The following RBM38 variants were observed in gnomAD, a reference collection of about 807,000 sequenced individuals.
RBM38 encodes the protein RNA-binding protein 38.
Under a neutral mutation model 23.5 loss-of-function variants are expected in RBM38, and 11 were observed. The observed-to-expected ratio is 0.47, with a 90% CI of 0.29 to 0.77. The LOEUF (loss-of-function observed/expected upper bound fraction) is 0.77. Ranked by LOEUF, RBM38 falls within the 30% of genes least tolerant of loss-of-function variation. The pLI is 0.08. For missense variants in RBM38, 330 were observed against 351.9 expected (o/e 0.94, Z 0.50); for synonymous variants, 165 against 166.1 (o/e 0.99, Z 0.05).
At chr20:57,396,568 C>T (rs1036694834) in intron 3 of RBM38, among the ~76,000 whole-genome samples, 1 of 152,204 alleles carries the variant, frequency 6.6e-6, no homozygotes, top group African/African-American at 2.4e-5. Context: ...TCCCTGGGTG[C>T]GGGTCTCCCT....
chr20:57,401,362 C>T (rs1340676294), intron 3 of RBM38, among the ~76,000 whole-genome samples: 1 of 152,224 alleles, frequency 6.6e-6, no homozygotes, highest in Admixed American at 6.5e-5. Context: ...CTAGCTGTGA[C>T]TTGCTGGGTG....
At chr20:57,399,263 G>A (rs773883173) in intron 3 of RBM38, among the ~76,000 whole-genome samples, 19 of 152,180 alleles carry the variant, frequency 1.2e-4, no homozygotes, top group South Asian at 2.1e-4. Context: ...GGCTCCGAGC[G>A]GAGGAGGGAT....
rs1270269845 is a variant in RBM38 at position 57,391,717 on chromosome 20, A to C, written c.136A>C (p.Thr46Pro). 1 of 1,536,418 alleles carries C rather than the reference A, an allele frequency of 6.5e-7. No individual in the cohort carries two copies. The highest frequency in any genetic ancestry group is 8.8e-7 in the Non-Finnish European group (1 of 1,140,174). Reference sequence around the variant, plus strand: ...CGTGGGCGGCCTGCCGTACCACACTACCGACGCCTCGCTCAGGAAGTACTT... The same window carrying C: ...CGTGGGCGGCCTGCCGTACCACACTCCCGACGCCTCGCTCAGGAAGTACTT... ...IFVGGLPYHT[T>P]DASLRKYFEG... The change falls in exon 1 of 4, where the codon ACC becomes CCC. Residue 46 changes from threonine (T) to proline (P), a missense_variant. This residue lies in a region of RBM38 where 95 missense variants were observed against 111.9 expected (regional missense o/e 0.85). Coordinates refer to ENST00000356208, the MANE Select transcript of RBM38 (RefSeq NM_017495.6).
Position 57,394,513 on chromosome 20 carries a change from GC to G in RBM38, c.416+1182del, listed in dbSNP as rs1310372269. Reference sequence around the variant, plus strand: ...GCTGGCTGAGGGGTGCTGGAGGGTGGCCGGGGCCCTTCTAGCCTGTGCGAGT... The same window carrying G: ...GCTGGCTGAGGGGTGCTGGAGGGTGGCGGGGCCCTTCTAGCCTGTGCGAGT... On this transcript the variant is annotated intron_variant, in intron 3 of 3. Coordinates refer to ENST00000356208, the MANE Select transcript of RBM38 (RefSeq NM_017495.6). 7.2e-5 allele frequency among the ~76,000 whole-genome samples: 11 copies of G among 152,326 alleles called. No homozygotes were observed. In the East Asian group the frequency reaches 1.9e-3, roughly 27 times the overall value.
rs1027432988 is a variant in RBM38 at position 57,407,189 on chromosome 20, C to T, written c.417-354C>T. ...GGGCCCTGCTCTTGATCGCATGCTC[C>T]GCCGTCGTGGCTTCAAACTCTCAAT... On this transcript the variant is annotated intron_variant, in intron 3 of 3. Transcript: ENST00000356208. This position sits in a 1 kb window ranked among gnomAD's most constrained non-coding sequence, Gnocchi z 4.0. Among the ~76,000 whole-genome samples the T allele has an allele frequency of 3.3e-5, 5 of 152,236 alleles. No individual in the cohort carries two copies. The highest frequency in any genetic ancestry group is 4.8e-5 in the African/African-American group (2 of 41,524).
chr20:57,392,614 T>C (rs1600742284), intron 1 of RBM38, 40 bp from the exon 2 acceptor site: 2 of 1,584,180 alleles, frequency 1.3e-6, no homozygotes, highest in African/African-American at 1.4e-5. Flanking sequence ...CGCCCCTGGT[T>C]CCCCCCACGG....
At chr20:57,405,005 C>T (rs2067366796) in intron 3 of RBM38, among the ~76,000 whole-genome samples, 1 of 152,192 alleles carries the variant, frequency 6.6e-6, no homozygotes. Context: ...CTGCCGGCTG[C>T]CCTCATCCAC....
rs1290316750 is a variant in RBM38, at chr20:57,407,023, G to A, written c.417-520G>A. Among the ~76,000 whole-genome samples, 1 of 150,382 alleles carries A rather than the reference G, an allele frequency of 6.6e-6. No individual in the cohort carries two copies. The highest frequency in any genetic ancestry group is 1.5e-5 in the Non-Finnish European group (1 of 67,894). ...AAAAAAAAAAAAACAAACCCTGTGA[G>A]GAGCAGGTGTTGGCTGGGAGAGCAG... On this transcript the variant is annotated intron_variant, in intron 3 of 3. Coordinates refer to ENST00000356208, the MANE Select transcript of RBM38 (RefSeq NM_017495.6). This position sits in a 1 kb window ranked among gnomAD's most constrained non-coding sequence, Gnocchi z 4.0.
intron 3 of RBM38, among the ~76,000 whole-genome samples, chr20:57,405,296 A>G (rs1054947066): frequency 6.6e-6 from 1 of 152,164 alleles, no homozygotes; most frequent in Admixed American, 6.5e-5. Context: ...TCCTCTCTGC[A>G]TCCTGGCAGA....
At chr20:57,398,036 G>A (rs140886334) in intron 3 of RBM38, among the ~76,000 whole-genome samples, 4 of 152,182 alleles carry the variant, frequency 2.6e-5, no homozygotes, top group East Asian at 1.9e-4. Context: ...ATGATGCAGC[G>A]TGCTGAAGGC....
chr20:57,396,889 T>C (rs1216540751), intron 3 of RBM38, among the ~76,000 whole-genome samples: 2 of 152,236 alleles, frequency 1.3e-5, no homozygotes, highest in East Asian at 1.9e-4. Flanking sequence ...CAGTACGAAC[T>C]GCCTCTGTCT....
intron 1 of RBM38, chr20:57,392,287 C>A: frequency 1.8e-6 from 1 of 570,726 alleles, no homozygotes; most frequent in South Asian, 1.7e-5. Flanking sequence ...ACCTTCCAAG[C>A]ATAGCGTCGC....
intron 1 of RBM38, chr20:57,392,226 C>T (rs1434365426): frequency 5.7e-6 from 2 of 348,728 alleles, no homozygotes; most frequent in Admixed American, 8.3e-5. Context: ...CTCAGCCGCC[C>T]CAAATAAACA....
intron 3 of RBM38, among the ~76,000 whole-genome samples, chr20:57,405,896 C>T (rs1364372080): frequency 6.6e-6 from 1 of 152,220 alleles, no homozygotes. Context: ...TGTTGCCAAA[C>T]CGCGCTCCAG....
intron 1 of RBM38, chr20:57,392,086 C>G (rs1201681094): frequency 5.7e-6 from 1 of 176,944 alleles, no homozygotes; most frequent in East Asian, 2.0e-4. Flanking sequence ...ATTAGGACTC[C>G]TAAGTTGGTG....
chr20:57,396,224 A>G (rs1246467007), intron 3 of RBM38, among the ~76,000 whole-genome samples: 1 of 152,116 alleles, frequency 6.6e-6, no homozygotes, highest in African/African-American at 2.4e-5. Flanking sequence ...TCACCTGTGC[A>G]TTTCTGACCT....
chr20:57,392,828 G>C, intron 2 of RBM38, 51 bp downstream of exon 2: 2 of 1,588,508 alleles, frequency 1.3e-6, no homozygotes, highest in Admixed American at 3.6e-5. Flanking sequence ...TATATTGGGT[G>C]TCGGTATCTG....
Position 57,391,523 on chromosome 20 carries a change from CCGCCCCCCATG to C in RBM38, c.-58_-48del. 1 of 517,800 alleles carries C rather than the reference CCGCCCCCCATG, an allele frequency of 1.9e-6. No individual in the cohort carries two copies. The highest frequency in any genetic ancestry group is 2.1e-5 in the African/African-American group (1 of 47,680). 32.1% of individuals were successfully genotyped at this position (517,800 alleles called of 1,614,324 possible). A position where few individuals can be genotyped will look rare whatever the true frequency, so the allele number is the denominator to read the frequency against. On this transcript the variant is annotated 5_prime_UTR_variant, in exon 1 of 4. An upstream start codon of the reference 5' UTR is lost. Coordinates refer to ENST00000356208, the MANE Select transcript of RBM38 (RefSeq NM_017495.6). ...CCCTCGCTGCCCCGCGCGCTCCCCG[CCGCCCCCCATG>C]AGCGCAGCCCCGCGCGGCCCGGGTC...
At chr20:57,406,049 G>A (rs531930437) in intron 3 of RBM38, among the ~76,000 whole-genome samples, 4 of 152,330 alleles carry the variant, frequency 2.6e-5, no homozygotes, top group South Asian at 4.1e-4. Context: ...CCCCCCAGGC[G>A]GGCCTGGCCT....
Sources: gnomAD v4.1 joint callset for allele counts (sites outside exome capture counted in the v4.1 genomes callset) on GRCh38, gnomAD v4.1.1 for gene constraint, gnomAD v4.1.1 regional missense constraint, Gnocchi (gnomAD v3.1) non-coding constraint, MANE v1.5 for transcripts, NCBI Gene and HGNC (gene_info 2026-07-23, HGNC 2026-07-21) for gene names.